CCDC141: variants seen among roughly 807,000 people sequenced by gnomAD.
CCDC141 encodes the protein coiled-coil domain-containing protein 141.
Under a neutral mutation model 181.0 loss-of-function variants are expected in CCDC141, and 168 were observed. That is an observed-to-expected ratio of 0.93 (90% confidence interval 0.82 to 1.05). CCDC141 has a LOEUF of 1.05. CCDC141 is among the 50% of genes least tolerant of loss of function. The pLI is 0.00. For missense variants in CCDC141, 1,902 were observed against 1,788.5 expected, an observed-to-expected ratio of 1.06 and a Z score of -1.14; for synonymous variants, 666 against 642.3, an observed-to-expected ratio of 1.04 and a Z score of -0.56.
In CCDC141 at chr2:179,041,521, A is replaced by C. The variant is rs113900414; in HGVS notation, c.225+5763T>G. ...TTTTTTTTTTTTTTTTTTTTTGCCA[A>C]ATAACCAGCTAGCATCATGATGACA... On this transcript the variant is annotated intron_variant, in intron 2 of 23. Coordinates refer to ENST00000443758, the MANE Select transcript of CCDC141 (RefSeq NM_173648.4). Among the ~76,000 whole-genome samples the C allele has an allele frequency of 6.7e-3, 808 of 121,228 alleles. 16 individuals carry two copies. Among genetic ancestry groups the C allele is most frequent in the African/African-American group, 0.024 (741 of 30,572 alleles). 79.5% of individuals were successfully genotyped at this position (121,228 alleles called of 152,430 possible).
intron 8 of CCDC141, among the ~76,000 whole-genome samples, chr2:178,895,270 C>T (rs1278671950): frequency 6.6e-6 from 1 of 152,154 alleles, no homozygotes; most frequent in East Asian, 1.9e-4. Flanking sequence ...GCATCTTATT[C>T]ATAAATATGT....
At chr2:178,912,377 G>T (rs1688255064) in intron 7 of CCDC141, among the ~76,000 whole-genome samples, 1 of 152,156 alleles carries the variant, frequency 6.6e-6, no homozygotes, top group Admixed American at 6.5e-5. Context: ...TGAATGTCTT[G>T]ATTATCAGAC....
intron 2 of CCDC141, among the ~76,000 whole-genome samples, chr2:178,996,844 T>A (rs1484442219): frequency 6.6e-6 from 1 of 152,200 alleles, no homozygotes; most frequent in Non-Finnish European, 1.5e-5. Context: ...CAGCAGACAT[T>A]CTGCTTTGGG....
chr2:178,815,871 A>G, the CCDC141 span, among the ~76,000 whole-genome samples: 1 of 151,994 alleles, frequency 6.6e-6, no homozygotes, highest in Non-Finnish European at 1.5e-5. Flanking sequence ...GAGTAGGGAG[A>G]GGCAACTGTA....
At chr2:178,895,872 T>C (rs557714778) in intron 8 of CCDC141, among the ~76,000 whole-genome samples, 1 of 152,314 alleles carries the variant, frequency 6.6e-6, no homozygotes, top group East Asian at 1.9e-4. Context: ...GTGTTTGTCT[T>C]GTTGGAGAAT....
At chr2:178,992,934 A>C (rs1270259468) in intron 2 of CCDC141, among the ~76,000 whole-genome samples, 1 of 152,056 alleles carries the variant, frequency 6.6e-6, no homozygotes, top group African/African-American at 2.4e-5. Flanking sequence ...GTGAGGAAGG[A>C]TGTGTTTGCA....
At chr2:179,034,751 G>A (rs1559062668) in intron 2 of CCDC141, among the ~76,000 whole-genome samples, 1 of 152,144 alleles carries the variant, frequency 6.6e-6, no homozygotes, top group Non-Finnish European at 1.5e-5. Flanking sequence ...TGGTATATTA[G>A]GCAAATAATG....
chr2:178,880,549 G>C (rs556512450), intron 11 of CCDC141, among the ~76,000 whole-genome samples: 2 of 152,216 alleles, frequency 1.3e-5, no homozygotes, highest in South Asian at 4.2e-4. Flanking sequence ...TTTTAGGTTG[G>C]CTCAATAAAC....
chr2:178,878,412 C>T (rs922857656), intron 11 of CCDC141, among the ~76,000 whole-genome samples: 1 of 151,252 alleles, frequency 6.6e-6, no homozygotes, highest in African/African-American at 2.4e-5. Flanking sequence ...AATCCTCTCT[C>T]CTCATCTTCC....
intron 2 of CCDC141, among the ~76,000 whole-genome samples, chr2:178,982,990 G>C (rs1232022348): frequency 6.6e-6 from 1 of 152,216 alleles, no homozygotes; most frequent in East Asian, 1.9e-4. Flanking sequence ...GCCTGCCTCT[G>C]TAGGCTCCAC....
At chr2:178,834,663 T>C (rs1684403170) in intron 23 of CCDC141, among the ~76,000 whole-genome samples, 1 of 151,942 alleles carries the variant, frequency 6.6e-6, no homozygotes, top group South Asian at 2.1e-4. Context: ...CTCAAACTCC[T>C]GGGATCAAGC....
rs551700764 is a variant in CCDC141, at chr2:178,837,443, C to A, written c.3776G>T (p.Gly1259Val). The A allele has an allele frequency of 2.5e-6, 4 of 1,614,080 alleles. No homozygotes were observed. The highest frequency in any genetic ancestry group is 1.3e-5 in the African/African-American group (1 of 75,058). ...TGGAAGAACAGATTCCTGGGCATCC[C>A]CTGGGCTGCTGGTCCCAGCCTGCAC... Reference protein sequence around the residue: ...YGVQAGTSSPGDAQESVLPPP... With the variant: ...YGVQAGTSSPVDAQESVLPPP... Residue 1259 changes from glycine (G) to valine (V), a missense_variant, in exon 23 of 24, where the codon GGG becomes GTG. By Grantham distance (109) the Gly-to-Val change is moderately radical. Coordinates refer to ENST00000443758, the MANE Select transcript of CCDC141 (RefSeq NM_173648.4).
chr2:178,837,976 G>T (rs530292052), intron 22 of CCDC141, among the ~76,000 whole-genome samples: 7 of 152,188 alleles, frequency 4.6e-5, no homozygotes, highest in Non-Finnish European at 1.0e-4. Context: ...TGAGTAAAGT[G>T]TGATAGACAT....
At chr2:179,037,767 T>C (rs1425998083) in intron 2 of CCDC141, among the ~76,000 whole-genome samples, 1 of 152,190 alleles carries the variant, frequency 6.6e-6, no homozygotes, top group Non-Finnish European at 1.5e-5. Context: ...TCATCCACTT[T>C]AGGGAAATAC....
At chr2:179,026,278 AG>A (rs1242933138) in intron 2 of CCDC141, among the ~76,000 whole-genome samples, 1 of 152,206 alleles carries the variant, frequency 6.6e-6, no homozygotes. Flanking sequence ...GGCTGGGCCC[AG>A]GGTTCCTGTG....
intron 8 of CCDC141, among the ~76,000 whole-genome samples, chr2:178,895,624 T>C (rs1334001157): frequency 2.0e-5 from 3 of 152,212 alleles, no homozygotes; most frequent in Non-Finnish European, 2.9e-5. Context: ...ATTGCAGTTA[T>C]GACATTTACC....
At chr2:178,888,389 C>A in intron 9 of CCDC141, 138 bp downstream of exon 9, 1 of 754,290 alleles carries the variant, frequency 1.3e-6, no homozygotes, top group South Asian at 1.8e-5. Context: ...CTGTTTAGTT[C>A]AATTAAAGGA....
In CCDC141 at chr2:178,905,428, A is replaced by G; in HGVS notation, c.1166T>C (p.Leu389Ser). Residue 389 changes from leucine to serine, a missense_variant, in exon 8 of 24, where the codon TTG (leucine) becomes TCG (serine). Transcript: ENST00000443758. ...GTGTAATTCCTCATGCCTCACTGCC[A>G]AAACAGCCAGACTTAAACCCTCTGA... ...LKSEGLSLAVLAVRHEELHRK... is the reference protein window; with the variant it reads ...LKSEGLSLAVSAVRHEELHRK... The G allele has an allele frequency of 6.4e-7, 1 of 1,550,980 alleles. No individual in the cohort carries two copies. The highest frequency in any genetic ancestry group is 8.7e-7 in the Non-Finnish European group (1 of 1,147,028).
chr2:178,881,689 T>C (rs1430721582), intron 11 of CCDC141, among the ~76,000 whole-genome samples: 1 of 151,868 alleles, frequency 6.6e-6, no homozygotes, highest in African/African-American at 2.4e-5. Context: ...AGAGTCCAAA[T>C]TTGAGCCTGG....
Sources: allele counts gnomAD v4.1 joint callset (sites outside exome capture counted in the v4.1 genomes callset), GRCh38; gene constraint gnomAD v4.1.1; transcripts MANE v1.5; gene names NCBI Gene and HGNC (gene_info 2026-07-23, HGNC 2026-07-21).